The following GALNT16 variants were observed in gnomAD, a reference collection of about 807,000 sequenced individuals.
GALNT16 encodes UDP-GalNAc:polypeptide N-acetylgalactosaminyltransferase-like protein 1.
A neutral mutation model predicts 76.1 loss-of-function variants in GALNT16; 40 were observed. The observed-to-expected ratio is 0.53, with a 90% CI of 0.41 to 0.68. The LOEUF (loss-of-function observed/expected upper bound fraction) is 0.68, where lower values mean the gene tolerates loss of function less well. Ranked by LOEUF, GALNT16 falls within the 30% of genes least tolerant of loss-of-function variation. GALNT16 has a pLI of 0.00. For missense variants in GALNT16, 621 were observed against 731.9 expected (o/e 0.85, Z 1.75); for synonymous variants, 276 against 285.2 (o/e 0.97, Z 0.32).
chr14:69,260,453 A>G lies in GALNT16; in HGVS notation c.163A>G (p.Thr55Ala). 3.2e-6 allele frequency: 5 copies of G among 1,549,042 alleles called. No individual in the cohort carries two copies. Among genetic ancestry groups the G allele is most frequent in the Non-Finnish European group, 3.5e-6 (4 of 1,147,700 alleles). Residue 55 changes from threonine to alanine, a missense_variant, in exon 1 of 15, where the codon ACC (threonine) becomes GCC (alanine). Thr to Ala is a moderately conservative substitution (Grantham distance 58). Coordinates refer to ENST00000448469, the MANE Select transcript of GALNT16 (RefSeq NM_001168368.2). ...GTCGGAGCAGCTCCGCGAGGACCGCACCATCCCGCTCATTGTGAGTACGCC... is the reference window on the plus strand; with the variant it reads ...GTCGGAGCAGCTCCGCGAGGACCGCGCCATCCCGCTCATTGTGAGTACGCC... ...RRSEQLREDRTIPLIVTGTPS... is the reference protein window; with the variant it reads ...RRSEQLREDRAIPLIVTGTPS...
At chr14:69,344,867 T>C (rs2045541587) in intron 12 of GALNT16, among the ~76,000 whole-genome samples, 1 of 152,248 alleles carries the variant, frequency 6.6e-6, no homozygotes. Flanking sequence ...TGTAACACAT[T>C]GCTCCTGGAT....
chr14:69,304,185 G>A (rs556400905), intron 1 of GALNT16, among the ~76,000 whole-genome samples: 16 of 152,168 alleles, frequency 1.1e-4, no homozygotes, highest in Admixed American at 5.9e-4. Flanking sequence ...CCAACCAATC[G>A]CAGGTTAAAT....
intron 1 of GALNT16, among the ~76,000 whole-genome samples, chr14:69,294,920 A>G (rs746516529): frequency 9.2e-5 from 14 of 152,108 alleles, no homozygotes; most frequent in Non-Finnish European, 1.6e-4. Flanking sequence ...GTTGTAGTTT[A>G]TATTAGTAGT....
intron 1 of GALNT16, among the ~76,000 whole-genome samples, chr14:69,264,815 C>CTTTCTTTT (rs2044320951): frequency 2.2e-5 from 1 of 44,960 alleles, no homozygotes; most frequent in South Asian, 1.2e-3. Flanking sequence ...TTTTCTTTTT[C>CTTTCTTTT]TTTCTTTTTT....
intron 1 of GALNT16, among the ~76,000 whole-genome samples, chr14:69,297,287 A>G (rs1030995913): frequency 6.6e-6 from 1 of 152,184 alleles, no homozygotes; most frequent in Non-Finnish European, 1.5e-5. Context: ...TTGATTTCCT[A>G]TTGCCTCACC....
At chr14:69,318,360 G>A (rs2045131442) in intron 1 of GALNT16, among the ~76,000 whole-genome samples, 1 of 152,214 alleles carries the variant, frequency 6.6e-6, no homozygotes, top group Non-Finnish European at 1.5e-5. Context: ...CAGTCTCCAT[G>A]GCCCTGAGGA....
At chr14:69,348,104 C>A in intron 14 of GALNT16, 102 bp downstream of exon 14, 1 of 1,217,188 alleles carries the variant, frequency 8.2e-7, no homozygotes, top group Non-Finnish European at 1.2e-6. Flanking sequence ...TCAAATAAGC[C>A]CTTCAGAGCG....
At chr14:69,297,459 T>C (rs1216672301) in intron 1 of GALNT16, among the ~76,000 whole-genome samples, 4 of 152,344 alleles carry the variant, frequency 2.6e-5, no homozygotes, top group African/African-American at 9.6e-5. Flanking sequence ...ACTCATGTTT[T>C]AAGGTTTTTA....
In GALNT16 at chr14:69,278,440, G is replaced by C. The variant is rs560043978; in HGVS notation, c.177+17973G>C. ...AATGTTTTGGCAAATAATTGATTCAGATCTTTTTTGATTGATTTTTAAAAA... is the reference window on the plus strand; with the variant it reads ...AATGTTTTGGCAAATAATTGATTCACATCTTTTTTGATTGATTTTTAAAAA... On this transcript the variant is annotated intron_variant, in intron 1 of 14. Transcript: ENST00000448469. 2.6e-5 allele frequency among the ~76,000 whole-genome samples: 4 copies of C among 152,228 alleles called. No individual in the cohort carries two copies. In the South Asian group the frequency reaches 8.3e-4, roughly 32 times the overall value.
chr14:69,274,181 A>G (rs947369877), intron 1 of GALNT16, among the ~76,000 whole-genome samples: 10 of 152,336 alleles, frequency 6.6e-5, no homozygotes, highest in African/African-American at 2.4e-4. Flanking sequence ...TCAAGAGTTT[A>G]GGTTAATTCA....
chr14:69,341,440 C>A (rs1020230910), intron 11 of GALNT16, among the ~76,000 whole-genome samples: 1 of 152,180 alleles, frequency 6.6e-6, no homozygotes, highest in African/African-American at 2.4e-5. Context: ...CTGTGCTCAC[C>A]CTGAAAGGTG....
the GALNT16 span, among the ~76,000 whole-genome samples, chr14:69,374,494 T>C: frequency 6.6e-6 from 1 of 152,152 alleles, no homozygotes; most frequent in African/African-American, 2.4e-5. Flanking sequence ...TGAAAAGCAG[T>C]ATGTGTAGGA....
the GALNT16 span, among the ~76,000 whole-genome samples, chr14:69,383,808 T>C: frequency 6.6e-6 from 1 of 152,208 alleles, no homozygotes; most frequent in Non-Finnish European, 1.5e-5. Flanking sequence ...AATATTGTAT[T>C]AAAAATCAGT....
At chr14:69,296,027 A>G (rs187963518) in intron 1 of GALNT16, among the ~76,000 whole-genome samples, 1 of 152,300 alleles carries the variant, frequency 6.6e-6, no homozygotes, top group East Asian at 1.9e-4. Context: ...ATATATAAAG[A>G]AAAGAGGTTT....
At chr14:69,351,493 T>C (rs2045636076) in intron 14 of GALNT16, 1 of 152,294 alleles carries the variant, frequency 6.6e-6, no homozygotes, top group Admixed American at 6.5e-5. Flanking sequence ...TCCTCTGATC[T>C]GGACAGGAAC....
chr14:69,380,527 T>A, the GALNT16 span: 10 of 1,076,030 alleles, frequency 9.3e-6, no homozygotes, highest in South Asian at 1.2e-5. Context: ...CCCCCAGTGC[T>A]TCCAACACAA....
At chr14:69,288,499 A>C (rs2044646459) in intron 1 of GALNT16, among the ~76,000 whole-genome samples, 1 of 152,190 alleles carries the variant, frequency 6.6e-6, no homozygotes, top group African/African-American at 2.4e-5. Flanking sequence ...TCCCACCAGT[A>C]ACCCTGGCCC....
intron 5 of GALNT16, among the ~76,000 whole-genome samples, chr14:69,326,510 T>G (rs900471265): frequency 1.1e-4 from 16 of 152,164 alleles, no homozygotes; most frequent in Admixed American, 9.2e-4. Context: ...CAGAATCCAC[T>G]GCAGCCACAG....
At chr14:69,286,926 C>G (rs1215158730) in intron 1 of GALNT16, among the ~76,000 whole-genome samples, 1 of 152,198 alleles carries the variant, frequency 6.6e-6, no homozygotes, top group Non-Finnish European at 1.5e-5. Flanking sequence ...CAGGTCTTGA[C>G]TGGCATCTCC....
Sources: gnomAD v4.1 joint callset for allele counts (sites outside exome capture counted in the v4.1 genomes callset) on GRCh38, gnomAD v4.1.1 for gene constraint, MANE v1.5 for transcripts, NCBI Gene and HGNC (gene_info 2026-07-23, HGNC 2026-07-21) for gene names.